SPATA7: variants seen among roughly 807,000 people sequenced by gnomAD.
SPATA7 encodes the protein spermatogenesis-associated protein 7.
SPATA7 carries 43 observed loss-of-function variants against 51.8 expected under a neutral mutation model. That is an observed-to-expected ratio of 0.83 (90% confidence interval 0.65 to 1.07). SPATA7 has a LOEUF of 1.07. Among genes scored for constraint, SPATA7 ranks in the 50% least tolerant of loss-of-function variants. SPATA7 has a pLI of 0.00. For missense variants in SPATA7, 683 were observed against 701.3 expected (o/e 0.97, Z 0.30); for synonymous variants, 230 against 252.8 (o/e 0.91, Z 0.86).
intron 7 of SPATA7, chr14:88,428,880 G>C (rs1418484190): frequency 5.8e-6 from 1 of 171,376 alleles, no homozygotes; most frequent in East Asian, 1.6e-4. Flanking sequence ...GCTTGGCACA[G>C]TTTGTGGTGT....
intron 3 of SPATA7, among the ~76,000 whole-genome samples, chr14:88,443,788 C>G (rs994153634): frequency 2.1e-4 from 32 of 152,204 alleles, no homozygotes; most frequent in Non-Finnish European, 3.4e-4. Flanking sequence ...CCAGCTTCAT[C>G]CATGTTCCCA....
At chr14:88,445,407 G>A (rs964223839) in intron 3 of SPATA7, among the ~76,000 whole-genome samples, 3 of 152,058 alleles carry the variant, frequency 2.0e-5, no homozygotes, top group Admixed American at 6.6e-5. Context: ...GGGTTTTCTA[G>A]ATATACAATC....
At chr14:88,468,191 G>A (rs142306175) in intron 4 of SPATA7, 13 of 1,613,026 alleles carry the variant, frequency 8.1e-6, no homozygotes, top group African/African-American at 1.3e-5. Flanking sequence ...ACACAAATGT[G>A]TACTGGCAGA....
At chr14:88,447,002 G>T (rs1300498022) in intron 3 of SPATA7, among the ~76,000 whole-genome samples, 1 of 152,162 alleles carries the variant, frequency 6.6e-6, no homozygotes, top group Non-Finnish European at 1.5e-5. Context: ...TATTATGTCT[G>T]CTTGGTGCAG....
chr14:88,464,907 G>A (rs1017636009), intron 4 of SPATA7, among the ~76,000 whole-genome samples: 7 of 151,942 alleles, frequency 4.6e-5, no homozygotes, highest in Admixed American at 2.0e-4. Context: ...CAACCCTTCT[G>A]AAATGACTGA....
intron 10 of SPATA7, 70 bp downstream of exon 10, chr14:88,433,282 TGTTAAAATTTTAAA>T: frequency 9.0e-7 from 1 of 1,106,472 alleles, no homozygotes; most frequent in Non-Finnish European, 1.3e-6. Context: ...CTTCATATGA[TGTTAAAATTTTAAA>T]GTTATTTTCC....
chr14:88,470,227 CA>C (rs550536723), exon 5 of SPATA7: 273 of 622,932 alleles, frequency 4.4e-4, no homozygotes, highest in Non-Finnish European at 6.8e-4. Context: ...CTTGTGAATA[CA>C]ATTTGCATTA....
chr14:88,408,542 G>A (rs1432332758), intron 4 of SPATA7, among the ~76,000 whole-genome samples: 2 of 151,962 alleles, frequency 1.3e-5, no homozygotes, highest in African/African-American at 4.8e-5. Context: ...ATACAATCAT[G>A]TCATCTGCAA....
At chr14:88,404,069 G>GAT (rs995007650) in intron 4 of SPATA7, among the ~76,000 whole-genome samples, 6 of 151,882 alleles carry the variant, frequency 4.0e-5, no homozygotes, top group Non-Finnish European at 7.4e-5. Flanking sequence ...TAAGCAACCT[G>GAT]ATATATATAT....
chr14:88,407,865 C>T (rs183445446), intron 4 of SPATA7, among the ~76,000 whole-genome samples: 87 of 152,164 alleles, frequency 5.7e-4, no homozygotes, highest in African/African-American at 2.0e-3. Context: ...TAAATAGGGA[C>T]TCCTTTCCCC....
intron 6 of SPATA7, among the ~76,000 whole-genome samples, chr14:88,427,236 A>G (rs2076818445): frequency 6.6e-6 from 1 of 152,204 alleles, no homozygotes. Flanking sequence ...CAAATACAGT[A>G]GTGCCTGGCA....
intron 3 of SPATA7, among the ~76,000 whole-genome samples, chr14:88,445,310 G>T (rs2077204019): frequency 6.6e-6 from 1 of 150,482 alleles, no homozygotes; most frequent in Non-Finnish European, 1.5e-5. Flanking sequence ...GTATAAGAAT[G>T]CTTGTGATTT....
chr14:88,415,710 T>G (rs939669182), intron 4 of SPATA7, among the ~76,000 whole-genome samples: 1 of 152,150 alleles, frequency 6.6e-6, no homozygotes, highest in Non-Finnish European at 1.5e-5. Flanking sequence ...TCTGTATTTA[T>G]GTGTTCTTTT....
intron 2 of SPATA7, 115 bp downstream of exon 2, chr14:88,391,570 T>C: frequency 1.2e-6 from 1 of 854,784 alleles, no homozygotes; most frequent in Non-Finnish European, 1.9e-6. Flanking sequence ...TATTTGAACT[T>C]CATATTATTA....
intron 3 of SPATA7, among the ~76,000 whole-genome samples, chr14:88,447,808 T>C (rs1391823113): frequency 1.3e-5 from 2 of 152,290 alleles, no homozygotes; most frequent in East Asian, 1.9e-4. Flanking sequence ...TGTCGAATAT[T>C]GGCCCCCACT....
intron 4 of SPATA7, among the ~76,000 whole-genome samples, chr14:88,400,289 C>T (rs902312111): frequency 6.6e-6 from 1 of 151,990 alleles, no homozygotes; most frequent in Admixed American, 6.6e-5. Flanking sequence ...GAAAACAAAA[C>T]CACAATATAC....
chr14:88,453,169 C>A (rs1323998337), intron 3 of SPATA7, among the ~76,000 whole-genome samples: 11 of 152,156 alleles, frequency 7.2e-5, no homozygotes, highest in Admixed American at 6.5e-4. Flanking sequence ...TCTTTGGATA[C>A]CCAGCTTGAC....
chr14:88,399,102 T>C (rs2075985835), intron 4 of SPATA7, among the ~76,000 whole-genome samples: 1 of 151,392 alleles, frequency 6.6e-6, no homozygotes, highest in South Asian at 2.1e-4. Context: ...GGTTAATTCA[T>C]GCTAAATGAT....
intron 11 of SPATA7, 117 bp from the exon 12 acceptor site, chr14:88,437,721 G>T: frequency 7.6e-7 from 1 of 1,321,064 alleles, no homozygotes; most frequent in South Asian, 1.4e-5. Context: ...ACTTTTTTGA[G>T]GGTGGTGGTG....
Sources: gnomAD v4.1 joint callset for allele counts (sites outside exome capture counted in the v4.1 genomes callset) on GRCh38, gnomAD v4.1.1 for gene constraint, MANE v1.5 for transcripts, NCBI Gene and HGNC (gene_info 2026-07-23, HGNC 2026-07-21) for gene names.